SLC2A9: variants seen among roughly 807,000 people sequenced by gnomAD.
The protein encoded by SLC2A9 is solute carrier family 2, facilitated glucose transporter member 9.
SLC2A9 carries 39 observed loss-of-function variants against 50.6 expected under a neutral mutation model. The ratio of observed to expected loss-of-function variants is 0.77; its 90% confidence interval spans 0.60 to 1.01. The LOEUF is 1.01. Ranked by LOEUF, SLC2A9 falls within the 50% of genes least tolerant of loss-of-function variation. The pLI is 0.00. For missense variants in SLC2A9, 686 were observed against 677.6 expected (o/e 1.01, Z -0.14); for synonymous variants, 324 against 276.9 (o/e 1.17, Z -1.69).
chr4:9,896,284 A>AT (rs1206578519), intron 8 of SLC2A9, among the ~76,000 whole-genome samples: 6 of 152,190 alleles, frequency 3.9e-5, no homozygotes, highest in Non-Finnish European at 8.8e-5. Context: ...AACCATTTAA[A>AT]TTTTTGTCAC....
intron 3 of SLC2A9, chr4:9,799,389 G>C (rs1351604038): frequency 6.6e-6 from 1 of 152,204 alleles, no homozygotes; most frequent in African/African-American, 2.4e-5. Context: ...CTTGCTCTCT[G>C]CTTTAAGATG....
chr4:9,989,904 G>A (rs181520665), intron 3 of SLC2A9, among the ~76,000 whole-genome samples: 43 of 152,052 alleles, frequency 2.8e-4, no homozygotes, highest in Admixed American at 2.1e-3. Context: ...TCCCAGGGAT[G>A]AGCGTGCTCA....
At chr4:9,902,652 T>G (rs115836026) in intron 8 of SLC2A9, among the ~76,000 whole-genome samples, 1,612 of 152,282 alleles carry the variant, frequency 0.011, 20 homozygotes, top group African/African-American at 0.036. Context: ...GCTTCTAGTG[T>G]GTTTTGGCTT....
upstream of SLC2A9, among the ~76,000 whole-genome samples, chr4:10,024,007 T>C (rs1053151375): frequency 2.6e-5 from 4 of 152,240 alleles, no homozygotes; most frequent in African/African-American, 7.2e-5. Flanking sequence ...GGTTCCTTCA[T>C]TCAGTCATTA....
At chr4:9,934,210 A>G (rs1378968950) in intron 6 of SLC2A9, among the ~76,000 whole-genome samples, 2 of 152,166 alleles carry the variant, frequency 1.3e-5, no homozygotes, top group African/African-American at 4.8e-5. Context: ...AGATCTCCCA[A>G]TCAAATCCCC....
chr4:9,999,116 C>G (rs913693710), intron 2 of SLC2A9, among the ~76,000 whole-genome samples: 33 of 149,176 alleles, frequency 2.2e-4, no homozygotes, highest in African/African-American at 8.2e-4. Flanking sequence ...GGCATGATCA[C>G]AGCTCACTGC....
chr4:9,807,129 C>T (rs540068005), intron 3 of SLC2A9, among the ~76,000 whole-genome samples: 2 of 152,074 alleles, frequency 1.3e-5, no homozygotes, highest in African/African-American at 4.8e-5. Context: ...GAGGAGATGC[C>T]GTGACTATGG....
At chr4:9,852,090 C>T (rs531261064) in intron 10 of SLC2A9, among the ~76,000 whole-genome samples, 15 of 152,092 alleles carry the variant, frequency 9.9e-5, no homozygotes, top group Non-Finnish European at 2.1e-4. Flanking sequence ...ATACATAGTC[C>T]GTCAGATTCT....
At chr4:9,942,682 A>G (rs1457379121) in intron 5 of SLC2A9, among the ~76,000 whole-genome samples, 1 of 152,202 alleles carries the variant, frequency 6.6e-6, no homozygotes, top group Non-Finnish European at 1.5e-5. Context: ...GAGGCAAGTG[A>G]TGCACTCCAA....
chr4:9,845,031 T>TC (rs56303787), intron 10 of SLC2A9, among the ~76,000 whole-genome samples: 2 of 144,910 alleles, frequency 1.4e-5, no homozygotes, highest in Non-Finnish European at 3.0e-5. Flanking sequence ...TTTTTTTTTT[T>TC]GAGACAGAGT....
chr4:9,781,019 TG>T (rs1276578484), intron 3 of SLC2A9, among the ~76,000 whole-genome samples: 2 of 151,836 alleles, frequency 1.3e-5, no homozygotes, highest in African/African-American at 4.8e-5. Context: ...GGGGCGGTGG[TG>T]GGGAAAAGGA....
intron 8 of SLC2A9, among the ~76,000 whole-genome samples, chr4:9,904,067 G>A (rs1217202420): frequency 6.6e-6 from 1 of 151,530 alleles, no homozygotes; most frequent in Non-Finnish European, 1.5e-5. Flanking sequence ...TTATATTGAT[G>A]CTCTGTGAGG....
chr4:9,987,321 T>C (rs1359435400), intron 3 of SLC2A9, among the ~76,000 whole-genome samples: 2 of 152,122 alleles, frequency 1.3e-5, no homozygotes, highest in East Asian at 1.9e-4. Flanking sequence ...GGTTTCACCA[T>C]GTTGGCCAGG....
At chr4:9,783,541 G>A in intron 3 of SLC2A9, 1 of 1,323,472 alleles carries the variant, frequency 7.6e-7, no homozygotes, top group Non-Finnish European at 1.0e-6. Context: ...GCAAATACAT[G>A]CCTTTCCAGT....
intron 6 of SLC2A9, among the ~76,000 whole-genome samples, chr4:9,924,994 G>A (rs1205971484): frequency 1.3e-5 from 2 of 152,168 alleles, no homozygotes; most frequent in African/African-American, 2.4e-5. Flanking sequence ...ACAAATCTGT[G>A]CTGTCTTGCC....
At chr4:9,933,459 T>C (rs1035433924) in intron 6 of SLC2A9, among the ~76,000 whole-genome samples, 1 of 152,120 alleles carries the variant, frequency 6.6e-6, no homozygotes, top group African/African-American at 2.4e-5. Context: ...CTGTAACCAT[T>C]TCCTGGCATC....
chr4:9,853,955 A>C (rs1170232548), intron 10 of SLC2A9, among the ~76,000 whole-genome samples: 1 of 152,182 alleles, frequency 6.6e-6, no homozygotes, highest in Non-Finnish European at 1.5e-5. Context: ...AATGAGAACA[A>C]ATATATAACA....
intron 7 of SLC2A9, among the ~76,000 whole-genome samples, chr4:9,911,998 G>A (rs1014919527): frequency 1.3e-5 from 2 of 152,158 alleles, no homozygotes; most frequent in Admixed American, 6.5e-5. Context: ...TAGGGACATG[G>A]ATGAAGCTGG....
chr4:9,978,575 A>G (rs1008362155), intron 5 of SLC2A9, among the ~76,000 whole-genome samples: 3 of 152,240 alleles, frequency 2.0e-5, no homozygotes, highest in Non-Finnish European at 4.4e-5. Context: ...GAATTTTAAA[A>G]TATCTTTAGA....
Sources: gnomAD v4.1 joint callset for allele counts (sites outside exome capture counted in the v4.1 genomes callset) on GRCh38, gnomAD v4.1.1 for gene constraint, MANE v1.5 for transcripts, NCBI Gene and HGNC (gene_info 2026-07-23, HGNC 2026-07-21) for gene names.